FHIT: variants seen among roughly 807,000 people sequenced by gnomAD.
FHIT encodes bis(5'-adenosyl)-triphosphatase.
FHIT carries 19 observed loss-of-function variants against 17.9 expected under a neutral mutation model. The ratio of observed to expected loss-of-function variants is 1.06; its 90% CI spans 0.74 to 1.56. The LOEUF (loss-of-function observed/expected upper bound fraction) is 1.56. Among genes scored for constraint, FHIT ranks in the 40% most tolerant of loss-of-function variants. The pLI is 0.00. For synonymous variants in FHIT, 81 were observed against 69.7 expected (o/e 1.16, Z -0.81); for missense variants, 248 against 189.2 (o/e 1.31, Z -1.82).
At chr3:60,097,800 G>C (rs181620910) in intron 5 of FHIT, among the ~76,000 whole-genome samples, 1,672 of 149,492 alleles carry the variant, frequency 0.011, 19 homozygotes, top group African/African-American at 0.038. Flanking sequence ...TGCCATGTTG[G>C]TGTGCTGCAC....
intron 5 of FHIT, among the ~76,000 whole-genome samples, chr3:60,366,557 C>T (rs937820036): frequency 1.3e-5 from 2 of 152,150 alleles, no homozygotes; most frequent in Non-Finnish European, 2.9e-5. Flanking sequence ...GCTCTACCCT[C>T]ATGAATGGAT....
intron 5 of FHIT, among the ~76,000 whole-genome samples, chr3:60,529,926 A>G (rs917484748): frequency 3.3e-5 from 5 of 152,116 alleles, no homozygotes; most frequent in Admixed American, 3.3e-4. Context: ...TTCTGTGTAG[A>G]TCCGCAGATC....
intron 4 of FHIT, among the ~76,000 whole-genome samples, chr3:60,559,929 T>C (rs569049018): frequency 1.3e-5 from 2 of 152,262 alleles, no homozygotes; most frequent in South Asian, 2.1e-4. Flanking sequence ...TGAGGTCTTT[T>C]CTTTACTTTT....
intron 8 of FHIT, among the ~76,000 whole-genome samples, chr3:59,890,963 A>G (rs1446602012): frequency 6.6e-6 from 1 of 152,196 alleles, no homozygotes; most frequent in African/African-American, 2.4e-5. Flanking sequence ...AGATGGCCCT[A>G]AGTTAATCAG....
At chr3:60,053,356 C>T (rs981546215) in intron 5 of FHIT, among the ~76,000 whole-genome samples, 2 of 149,730 alleles carry the variant, frequency 1.3e-5, no homozygotes, top group Admixed American at 1.3e-4. Context: ...CTGCCTTTTG[C>T]ATCTTTGTGT....
chr3:59,927,251 G>T (rs1705707640), intron 7 of FHIT, among the ~76,000 whole-genome samples: 1 of 152,154 alleles, frequency 6.6e-6, no homozygotes, highest in African/African-American at 2.4e-5. Flanking sequence ...AAATGAGGCT[G>T]ATTCATAGAG....
intron 5 of FHIT, among the ~76,000 whole-genome samples, chr3:60,177,329 T>C (rs1701725491): frequency 6.7e-6 from 1 of 148,974 alleles, no homozygotes; most frequent in Non-Finnish European, 1.5e-5. Context: ...AGTTACTTAA[T>C]CCAGAAAAAA....
intron 5 of FHIT, among the ~76,000 whole-genome samples, chr3:60,336,593 C>T (rs1427754656): frequency 2.0e-5 from 3 of 152,260 alleles, no homozygotes; most frequent in African/African-American, 7.2e-5. Flanking sequence ...AATATGGTAG[C>T]CACCAGCCAC....
intron 8 of FHIT, among the ~76,000 whole-genome samples, chr3:59,917,014 G>A (rs1427534734): frequency 6.6e-6 from 1 of 152,168 alleles, no homozygotes; most frequent in East Asian, 1.9e-4. Context: ...AAGTCAACTA[G>A]GGACCCATGG....
intron 7 of FHIT, among the ~76,000 whole-genome samples, chr3:59,942,860 G>A (rs764560892): frequency 2.1e-4 from 32 of 151,930 alleles, no homozygotes; most frequent in Non-Finnish European, 1.3e-4. Flanking sequence ...TGTTGTCCAG[G>A]CTGCTCTCAA....
rs551764429 is a variant in FHIT, at chr3:61,036,595, G to T, written c.-111+5452C>A. On this transcript the variant is annotated intron_variant, in intron 3 of 9. Transcript: ENST00000492590. ...AAAACAATAGTGGTTTCTATCTGTT[G>T]TCTTGTAAAGATGAGTTTTATATTA... Among the ~76,000 whole-genome samples, 183 of 152,224 alleles carry T rather than the reference G, an allele frequency of 1.2e-3. 1 individual carries two copies. The highest frequency in any genetic ancestry group is 4.2e-3 in the African/African-American group (176 of 41,526).
chr3:60,226,393 AC>A (rs1369492647), intron 5 of FHIT, among the ~76,000 whole-genome samples: 1 of 142,854 alleles, frequency 7.0e-6, no homozygotes, highest in Admixed American at 7.5e-5. Context: ...AACCGCTTGA[AC>A]CCGGGAGGCG....
chr3:60,218,750 C>CTAT (rs924713921), intron 5 of FHIT, among the ~76,000 whole-genome samples: 2 of 151,948 alleles, frequency 1.3e-5, no homozygotes, highest in African/African-American at 4.8e-5. Context: ...GCCTTAGTTA[C>CTAT]TATTATTATT....
chr3:60,296,921 CAAAA>C (rs34680230), intron 5 of FHIT, among the ~76,000 whole-genome samples: 5 of 115,264 alleles, frequency 4.3e-5, no homozygotes, highest in South Asian at 2.7e-4. Flanking sequence ...TTTATTTTTG[CAAAA>C]AAAAAAAAAA....
chr3:60,059,079 C>A (rs1702200230), intron 5 of FHIT, among the ~76,000 whole-genome samples: 1 of 152,122 alleles, frequency 6.6e-6, no homozygotes, highest in Non-Finnish European at 1.5e-5. Context: ...TCCCAACACC[C>A]CCACCAGGAA....
rs145053863 is a variant in FHIT at position 60,149,143 on chromosome 3, G to C, written c.104-134991C>G. ...GAACGTGAAAGACATGAAACCACTG[G>C]TGTCAGAAATTAAATATAGGTGTTT... On this transcript the variant is annotated intron_variant, in intron 5 of 9. Transcript: ENST00000492590. Among the ~76,000 whole-genome samples, 1,072 of 152,258 alleles carry C rather than the reference G, an allele frequency of 7.0e-3. 14 individuals carry two copies. Among genetic ancestry groups the C allele is most frequent in the South Asian group, 0.029 (141 of 4,826 alleles).
intron 8 of FHIT, among the ~76,000 whole-genome samples, chr3:59,787,428 G>C (rs1296834096): frequency 6.6e-6 from 1 of 151,374 alleles, no homozygotes; most frequent in African/African-American, 2.4e-5. Flanking sequence ...CTCATGAAGA[G>C]CCAGTAGCCT....
At chr3:59,791,146 C>A (rs1412129057) in intron 8 of FHIT, among the ~76,000 whole-genome samples, 2 of 152,166 alleles carry the variant, frequency 1.3e-5, no homozygotes, top group Non-Finnish European at 2.9e-5. Flanking sequence ...GTTCCTCAGG[C>A]TTTGGATGGG....
chr3:60,713,571 C>T (rs1250936020), intron 4 of FHIT, among the ~76,000 whole-genome samples: 3 of 151,774 alleles, frequency 2.0e-5, no homozygotes, highest in African/African-American at 4.8e-5. Context: ...ATCAAATAGA[C>T]ACAATAAAAA....
Sources: gnomAD v4.1 joint callset for allele counts (sites outside exome capture counted in the v4.1 genomes callset) on GRCh38, gnomAD v4.1.1 for gene constraint, MANE v1.5 for transcripts, NCBI Gene and HGNC (gene_info 2026-07-23, HGNC 2026-07-21) for gene names.